The following MSH4 variants were observed in gnomAD, a reference collection of about 807,000 sequenced individuals.
MSH4 encodes the protein mutS homolog 4, also known as mutS protein homolog 4.
MSH4 carries 106 observed loss-of-function variants against 113.7 expected under a neutral mutation model. The ratio of observed to expected loss-of-function variants is 0.93; its 90% CI spans 0.80 to 1.10. The LOEUF (loss-of-function observed/expected upper bound fraction) is 1.10. MSH4 is among the 50% of genes least tolerant of loss of function. The pLI is 0.00. For missense variants in MSH4, 1,061 were observed against 1,093.7 expected (o/e 0.97, Z 0.42); for synonymous variants, 368 against 380.2 (o/e 0.97, Z 0.37).
chr1:75,892,615 A>C (rs1652280863), intron 17 of MSH4, among the ~76,000 whole-genome samples: 1 of 152,204 alleles, frequency 6.6e-6, no homozygotes, highest in Non-Finnish European at 1.5e-5. Context: ...GAATATAATG[A>C]AATTGGCTGG....
chr1:75,819,797 G>A (rs375986792), intron 6 of MSH4, among the ~76,000 whole-genome samples: 2 of 152,086 alleles, frequency 1.3e-5, no homozygotes, highest in African/African-American at 2.4e-5. Flanking sequence ...TGCAACCTCC[G>A]CCTCCCGGGT....
At chr1:75,834,517 C>G (rs940573068) in intron 7 of MSH4, among the ~76,000 whole-genome samples, 1 of 152,206 alleles carries the variant, frequency 6.6e-6, no homozygotes, top group Non-Finnish European at 1.5e-5. Context: ...GTAGCAAAGA[C>G]TTGGAACTAA....
chr1:75,825,458 T>C (rs202065438), intron 7 of MSH4, among the ~76,000 whole-genome samples: 3 of 152,288 alleles, frequency 2.0e-5, no homozygotes, highest in East Asian at 3.9e-4. Flanking sequence ...CCTTTATTTC[T>C]TTCTCTTGCC....
At chr1:75,898,733 C>T (rs1485764787) in intron 18 of MSH4, among the ~76,000 whole-genome samples, 2 of 152,048 alleles carry the variant, frequency 1.3e-5, no homozygotes, top group Non-Finnish European at 2.9e-5. Flanking sequence ...CATTAAGTCT[C>T]ACAGATTCAG....
chr1:75,855,765 A>G (rs1162433434), intron 8 of MSH4, among the ~76,000 whole-genome samples: 1 of 152,226 alleles, frequency 6.6e-6, no homozygotes, highest in Non-Finnish European at 1.5e-5. Flanking sequence ...AACCTCTGGA[A>G]TGACCCTATT....
intron 3 of MSH4, among the ~76,000 whole-genome samples, chr1:75,808,634 G>A (rs1249897207): frequency 6.6e-6 from 1 of 152,086 alleles, no homozygotes; most frequent in Non-Finnish European, 1.5e-5. Flanking sequence ...CAGGATTATG[G>A]CATTTGAGAT....
intron 14 of MSH4, 152 bp from the exon 15 acceptor site, chr1:75,883,469 G>T: frequency 3.4e-6 from 2 of 588,266 alleles, no homozygotes; most frequent in Admixed American, 3.3e-5. Flanking sequence ...GAAGAATTTG[G>T]GTGGGGATTT....
chr1:75,855,185 G>A (rs1394900660), intron 8 of MSH4, among the ~76,000 whole-genome samples: 1 of 152,026 alleles, frequency 6.6e-6, no homozygotes, highest in African/African-American at 2.4e-5. Flanking sequence ...CCACAGGCAT[G>A]CGCTACCACA....
intron 2 of MSH4, among the ~76,000 whole-genome samples, chr1:75,805,320 A>G (rs182123768): frequency 1.5e-4 from 23 of 151,798 alleles, no homozygotes; most frequent in African/African-American, 5.6e-4. Flanking sequence ...ACACACCCTT[A>G]GAAGTCAAAT....
chr1:75,876,659 A>G (rs1414984237), intron 9 of MSH4, among the ~76,000 whole-genome samples: 2 of 152,078 alleles, frequency 1.3e-5, no homozygotes, highest in African/African-American at 2.4e-5. Flanking sequence ...CTATATATGT[A>G]AGTTGTCGGG....
chr1:75,819,642 A>G (rs1650365080), intron 6 of MSH4, among the ~76,000 whole-genome samples: 1 of 152,226 alleles, frequency 6.6e-6, no homozygotes, highest in Non-Finnish European at 1.5e-5. Flanking sequence ...ATTAAAATGA[A>G]TCAGATTTTT....
At chr1:75,799,589 C>T (rs1232272554) in intron 1 of MSH4, among the ~76,000 whole-genome samples, 1 of 152,210 alleles carries the variant, frequency 6.6e-6, no homozygotes, top group African/African-American at 2.4e-5. Context: ...AGGGAAACAG[C>T]TGGAGCGCAT....
intron 13 of MSH4, among the ~76,000 whole-genome samples, chr1:75,880,820 G>GA (rs1206199042): frequency 6.6e-6 from 1 of 151,744 alleles, no homozygotes; most frequent in Non-Finnish European, 1.5e-5. Context: ...GAGAGAGAAA[G>GA]AAAAAATGGA....
At chr1:75,825,829 G>A (rs1399420908) in intron 7 of MSH4, among the ~76,000 whole-genome samples, 3 of 152,112 alleles carry the variant, frequency 2.0e-5, no homozygotes, top group Non-Finnish European at 4.4e-5. Flanking sequence ...TGATTGTGGT[G>A]GATAAGCTTT....
intron 7 of MSH4, among the ~76,000 whole-genome samples, chr1:75,838,466 A>G (rs1650879335): frequency 6.6e-6 from 1 of 152,168 alleles, no homozygotes; most frequent in South Asian, 2.1e-4. Flanking sequence ...CAGTTAACAT[A>G]TTCACAAATT....
intron 19 of MSH4, among the ~76,000 whole-genome samples, chr1:75,907,209 T>G (rs1163562345): frequency 6.6e-6 from 1 of 152,152 alleles, no homozygotes; most frequent in Non-Finnish European, 1.5e-5. Context: ...ATGCATTTCC[T>G]CAGCTTTTGT....
At chr1:75,833,545 C>T (rs36132265) in intron 7 of MSH4, among the ~76,000 whole-genome samples, 4 of 152,068 alleles carry the variant, frequency 2.6e-5, no homozygotes, top group Non-Finnish European at 5.9e-5. Context: ...ACACTACAAG[C>T]CTACAGTAAC....
intron 3 of MSH4, 84 bp downstream of exon 3, chr1:75,807,225 T>G: frequency 1.8e-6 from 2 of 1,142,466 alleles, no homozygotes; most frequent in Non-Finnish European, 2.4e-6. Context: ...ATTTGTTTAC[T>G]TTTTGGTAGA....
At chr1:75,891,198 A>G (rs1473283522) in intron 17 of MSH4, among the ~76,000 whole-genome samples, 1 of 152,142 alleles carries the variant, frequency 6.6e-6, no homozygotes, top group Non-Finnish European at 1.5e-5. Context: ...CTTTACAGAA[A>G]ATCTATTTTA....
Sources: gnomAD v4.1 joint callset for allele counts (sites outside exome capture counted in the v4.1 genomes callset) on GRCh38, gnomAD v4.1.1 for gene constraint, MANE v1.5 for transcripts, NCBI Gene and HGNC (gene_info 2026-07-23, HGNC 2026-07-21) for gene names.